Variants in B3GALT1 observed in about 807,000 individuals in gnomAD.
The protein encoded by B3GALT1 is beta-1,3-galactosyltransferase 1, also known as UDP-Gal:betaGlcNAc beta 1,3-galactosyltransferase, polypeptide 1.
Under a neutral mutation model 23.2 loss-of-function variants are expected in B3GALT1, and 10 were observed. The ratio of observed to expected loss-of-function variants is 0.43; its 90% CI spans 0.27 to 0.73. The LOEUF (loss-of-function observed/expected upper bound fraction) is 0.73, where lower values mean the gene tolerates loss of function less well. B3GALT1 is among the 30% of genes least tolerant of loss of function. The pLI is 0.21. For missense variants in B3GALT1, 299 were observed against 405.4 expected (o/e 0.74, Z 2.25); for synonymous variants, 156 against 141.5 (o/e 1.10, Z -0.73).
In B3GALT1 at chr2:167,641,059, C is replaced by G. The variant is rs13422084; in HGVS notation, c.-409-5850C>G. On this transcript the variant is annotated intron_variant, in intron 2 of 4. Coordinates refer to ENST00000392690, the MANE Select transcript of B3GALT1 (RefSeq NM_020981.4). Reference sequence around the variant, plus strand: ...CGTTAACCTCTTCCTAATCCTACACCTAGTAAACAGTAATTGAGAAATTTG... The same window carrying G: ...CGTTAACCTCTTCCTAATCCTACACGTAGTAAACAGTAATTGAGAAATTTG... 7.0e-4 allele frequency among the ~76,000 whole-genome samples: 106 copies of G among 152,174 alleles called. 1 individual carries two copies. The highest frequency in any genetic ancestry group is 2.3e-3 in the African/African-American group (96 of 41,534).
At chr2:167,648,576 C>T (rs556992153) in intron 3 of B3GALT1, among the ~76,000 whole-genome samples, 19 of 152,100 alleles carry the variant, frequency 1.2e-4, no homozygotes, top group Non-Finnish European at 2.5e-4. Flanking sequence ...CTCTTGTGTT[C>T]AGATAAAATT....
intron 2 of B3GALT1, among the ~76,000 whole-genome samples, chr2:167,492,216 T>C (rs1312289510): frequency 6.6e-6 from 1 of 152,190 alleles, no homozygotes; most frequent in Non-Finnish European, 1.5e-5. Context: ...GAATGACATA[T>C]AGTTGGAATA....
chr2:167,619,176 T>C (rs762014735), intron 2 of B3GALT1, among the ~76,000 whole-genome samples: 5 of 151,984 alleles, frequency 3.3e-5, no homozygotes, highest in Non-Finnish European at 5.9e-5. Flanking sequence ...CACTCCTAGA[T>C]TTTTGTTTTA....
chr2:167,664,101 C>G (rs937689885), intron 3 of B3GALT1, among the ~76,000 whole-genome samples: 1 of 150,744 alleles, frequency 6.6e-6, no homozygotes, highest in Non-Finnish European at 1.5e-5. Flanking sequence ...TTAGGTCTAA[C>G]GTTTAAGTCT....
At chr2:167,834,202 G>A (rs1426762086) in intron 4 of B3GALT1, among the ~76,000 whole-genome samples, 1 of 152,152 alleles carries the variant, frequency 6.6e-6, no homozygotes, top group Non-Finnish European at 1.5e-5. Flanking sequence ...AGATTAAAAG[G>A]AGCCTCCACT....
chr2:167,454,150 A>G (rs1699131259), intron 1 of B3GALT1, among the ~76,000 whole-genome samples: 1 of 152,220 alleles, frequency 6.6e-6, no homozygotes, highest in Non-Finnish European at 1.5e-5. Context: ...TATTCTCTAT[A>G]CAAAAGTGCA....
chr2:167,559,869 G>T (rs1184021400), intron 2 of B3GALT1, among the ~76,000 whole-genome samples: 1 of 152,152 alleles, frequency 6.6e-6, no homozygotes, highest in African/African-American at 2.4e-5. Context: ...GAACCAAGTT[G>T]GAAAACACTC....
chr2:167,745,024 T>C (rs1687631973), intron 3 of B3GALT1, among the ~76,000 whole-genome samples: 1 of 152,248 alleles, frequency 6.6e-6, no homozygotes, highest in South Asian at 2.1e-4. Flanking sequence ...ATTTGTGTAA[T>C]TTTGCTTTAT....
At chr2:167,740,318 G>T (rs1002332115) in intron 3 of B3GALT1, among the ~76,000 whole-genome samples, 2 of 151,984 alleles carry the variant, frequency 1.3e-5, no homozygotes, top group African/African-American at 4.8e-5. Flanking sequence ...ATTTTAATTT[G>T]TAAATACAGA....
At chr2:167,384,301 C>T (rs141395759) in intron 1 of B3GALT1, among the ~76,000 whole-genome samples, 208 of 152,226 alleles carry the variant, frequency 1.4e-3, no homozygotes, top group Non-Finnish European at 2.4e-3. Context: ...ATTCTTCCTC[C>T]CTGGGTGGTA....
chr2:167,322,202 T>C (rs2105493642), intron 1 of B3GALT1, among the ~76,000 whole-genome samples: 1 of 152,026 alleles, frequency 6.6e-6, no homozygotes, highest in South Asian at 2.1e-4. Context: ...TCGAAAATAC[T>C]GTTCTTCAAC....
At chr2:167,506,055 A>T (rs571653779) in intron 2 of B3GALT1, among the ~76,000 whole-genome samples, 1 of 152,094 alleles carries the variant, frequency 6.6e-6, no homozygotes, top group East Asian at 1.9e-4. Flanking sequence ...GCGAGACTCC[A>T]CCAAAAAAAA....
At position 167,447,660 on chromosome 2, in the gene B3GALT1, C is replaced by G. The variant is rs185761040; in HGVS notation, c.-510-42517C>G. Among the ~76,000 whole-genome samples, 599 of 152,214 alleles carry G rather than the reference C, an allele frequency of 3.9e-3. 4 individuals carry two copies. Among genetic ancestry groups the G allele is most frequent in the South Asian group, 0.014 (68 of 4,804 alleles). ...CTCCATGGGTGTGGGACCCTCTGAG[C>G]CAGGCATGGGATATAATCTCCTGGT... On this transcript the variant is annotated intron_variant, in intron 1 of 4. Coordinates refer to ENST00000392690, the MANE Select transcript of B3GALT1 (RefSeq NM_020981.4).
At chr2:167,783,299 A>G (rs565680311) in intron 3 of B3GALT1, among the ~76,000 whole-genome samples, 40 of 152,272 alleles carry the variant, frequency 2.6e-4, no homozygotes, top group African/African-American at 9.1e-4. Context: ...CCACATGAGG[A>G]CATTTTTCTG....
intron 3 of B3GALT1, among the ~76,000 whole-genome samples, chr2:167,707,128 C>A (rs1390899800): frequency 1.3e-5 from 2 of 152,196 alleles, no homozygotes; most frequent in Non-Finnish European, 2.9e-5. Flanking sequence ...ACAGCTAGTG[C>A]ACACCTTTCA....
At chr2:167,421,937 C>G (rs1212750129) in intron 1 of B3GALT1, among the ~76,000 whole-genome samples, 1 of 152,126 alleles carries the variant, frequency 6.6e-6, no homozygotes, top group Non-Finnish European at 1.5e-5. Context: ...ACTCTGCTTT[C>G]AAATATTATC....
intron 2 of B3GALT1, among the ~76,000 whole-genome samples, chr2:167,575,701 G>A (rs1684369458): frequency 2.0e-5 from 3 of 151,774 alleles, no homozygotes; most frequent in African/African-American, 4.8e-5. Flanking sequence ...TATCTCCAAA[G>A]CACCTTTTAA....
intron 1 of B3GALT1, among the ~76,000 whole-genome samples, chr2:167,391,952 G>T (rs1698019605): frequency 6.6e-6 from 1 of 152,042 alleles, no homozygotes; most frequent in Non-Finnish European, 1.5e-5. Flanking sequence ...AATGGCAAAT[G>T]TACACATTTG....
rs531627161 is a variant in B3GALT1 at position 167,867,225 on chromosome 2, C to T, written c.-229-1586C>T. ...ACAGGCGTGAGCCACCGCGCCCGGC[C>T]GAGAAGCTCTTTTTTTCTATTCCTA... is the stretch of plus-strand genomic sequence containing the variant. On this transcript the variant is annotated intron_variant, in intron 4 of 4. Transcript: ENST00000392690. Among the ~76,000 whole-genome samples, 48 of 152,216 alleles carry T rather than the reference C, an allele frequency of 3.2e-4. 1 individual carries two copies. The highest frequency in any genetic ancestry group is 2.8e-3 in the Admixed American group (43 of 15,288).
Sources: gnomAD v4.1 joint callset for allele counts (sites outside exome capture counted in the v4.1 genomes callset) on GRCh38, gnomAD v4.1.1 for gene constraint, MANE v1.5 for transcripts, NCBI Gene and HGNC (gene_info 2026-07-23, HGNC 2026-07-21) for gene names.